Variants in ABCA7 observed in about 807,000 individuals in gnomAD.
The protein encoded by ABCA7 is phospholipid-transporting ATPase ABCA7.
ABCA7 carries 261 observed loss-of-function variants against 227.6 expected under a neutral mutation model. That is an observed-to-expected ratio of 1.15 (90% CI 1.04 to 1.27). The LOEUF (loss-of-function observed/expected upper bound fraction) is 1.27, where lower values mean the gene tolerates loss of function less well. Ranked by LOEUF, ABCA7 falls within the 50% of genes most tolerant of loss-of-function variation. The probability of loss-of-function intolerance (pLI) is 0.00; values close to 1 mark genes in which losing one functional copy is unlikely to be tolerated. For missense variants in ABCA7, 3,331 were observed against 2,924.5 expected (o/e 1.14, Z -3.21); for synonymous variants, 1,488 against 1,279.7 (o/e 1.16, Z -3.47).
chr19:1,051,573 C>T lies in ABCA7; in HGVS notation c.2949C>T (p.Leu983=). The T allele has an allele frequency of 6.2e-7, 1 of 1,612,014 alleles. No homozygotes were observed. The highest frequency in any genetic ancestry group is 8.5e-7 in the Non-Finnish European group (1 of 1,179,526). Residue 983 remains leucine (L), a synonymous_variant, in exon 21 of 47, where the codon CTC becomes CTT. Coordinates refer to ENST00000263094, the MANE Select transcript of ABCA7 (RefSeq NM_019112.4). ...ASRRGIWELL[L]KYREGRTLIL... is the part of the protein sequence containing the mutation. ...GCCGCGGTATTTGGGAGCTGCTGCT[C>T]AAATACCGAGAAGGTAAGAGCTGGG...
rs1202704976 is a variant in ABCA7 at position 1,051,582 on chromosome 19, A to G, written c.2958A>G (p.Arg986=). 6.2e-7 allele frequency: 1 copy of G among 1,611,566 alleles called. No homozygotes were observed. Among genetic ancestry groups the G allele is most frequent in the Admixed American group, 1.7e-5 (1 of 59,932 alleles). The change falls in exon 21 of 47, where the codon CGA becomes CGG. Residue 986 remains arginine, a synonymous_variant. Transcript: ENST00000263094. ...RGIWELLLKY[R]EGRTLILSTH... ...TTTGGGAGCTGCTGCTCAAATACCG[A>G]GAAGGTAAGAGCTGGGGATTCTGCT...
In ABCA7 at chr19:1,054,656, C is replaced by T. The variant is rs1490601072; in HGVS notation, c.3813C>T (p.Leu1271=). The T allele has an allele frequency of 2.5e-5, 41 of 1,613,460 alleles. No individual in the cohort carries two copies. Among genetic ancestry groups the T allele is most frequent in the Non-Finnish European group, 3.2e-5 (38 of 1,179,954 alleles). The part of the protein sequence containing the change: ...PPFGHYPALR[L]SPTMYGAQVS... Reference sequence around the variant, plus strand: ...TCGGGCACTACCCGGCTCTGCGGCTCAGTCCCACCATGTACGGTGCTCAGG... The same window carrying T: ...TCGGGCACTACCCGGCTCTGCGGCTTAGTCCCACCATGTACGGTGCTCAGG... Residue 1271 remains leucine (L), a synonymous_variant, in exon 28 of 47, where the codon CTC becomes CTT. Coordinates refer to ENST00000263094, the MANE Select transcript of ABCA7 (RefSeq NM_019112.4). This position sits in a 1 kb window ranked among gnomAD's most constrained non-coding sequence, Gnocchi z 4.8.
Position 1,051,998 on chromosome 19 carries a change from C to T in ABCA7, c.3019C>T (p.Arg1007Cys), listed in dbSNP as rs373517680. Residue 1007 changes from arginine to cysteine, a missense_variant, in exon 22 of 47, where the codon CGT becomes TGT. Transcript: ENST00000263094. ...HLDEAELLGD[R>C]VAVVAGGRLC... is the part of the protein sequence containing the mutation. ...GGATGAGGCAGAGCTGCTGGGAGACCGTGTGGCCGTGGTGGCAGGTGGCCG... is the reference window on the plus strand; with the variant it reads ...GGATGAGGCAGAGCTGCTGGGAGACTGTGTGGCCGTGGTGGCAGGTGGCCG... 21 of 1,612,128 alleles carry T rather than the reference C, an allele frequency of 1.3e-5. No homozygotes were observed. The highest frequency in any genetic ancestry group is 8.0e-5 in the African/African-American group (6 of 74,916).
intron 1 of ABCA7, 36 bp from the exon 2 acceptor site, chr19:1,041,187 CTT>C: frequency 1.4e-6 from 1 of 697,426 alleles, no homozygotes; most frequent in South Asian, 1.7e-5. Context: ...AGCGGAGCCT[CTT>C]TATCGAGTGA....
Position 1,045,128 on chromosome 19 carries a change from G to GACCCCACAGAGC in ABCA7, c.1347_1358dup (p.Glu451_Thr454dup), listed in dbSNP as rs2040484974. On this transcript the variant is annotated inframe_insertion, in exon 12 of 47. Coordinates refer to ENST00000263094, the MANE Select transcript of ABCA7 (RefSeq NM_019112.4). ...CTTCTTGGGACCTGAGGACTCTTCA[G>GACCCCACAGAGC]ACCCCACAGAGCACCCAACCCCAGA... is the stretch of plus-strand genomic sequence containing the variant. 1 of 1,612,842 alleles carries GACCCCACAGAGC rather than the reference G, an allele frequency of 6.2e-7. No homozygotes were observed. Among genetic ancestry groups the GACCCCACAGAGC allele is most frequent in the South Asian group, 1.1e-5 (1 of 91,086 alleles).
Position 1,057,099 on chromosome 19 carries a change from TGGAC to T in ABCA7, c.4764+18_4764+21del, listed in dbSNP as rs1162070398. ...TCTGGGACATGGTGCGGGGGCTGCT[TGGAC>T]GGGTGGGGGCCCAGCCACTGCTTGC... is the stretch of plus-strand genomic sequence containing the variant. On this transcript the variant is annotated intron_variant, in intron 34 of 46. Coordinates refer to ENST00000263094, the MANE Select transcript of ABCA7 (RefSeq NM_019112.4). The T allele has an allele frequency of 3.1e-6, 5 of 1,605,714 alleles. No homozygotes were observed. The highest frequency in any genetic ancestry group is 1.7e-5 in the Admixed American group (1 of 59,764).
intron 37 of ABCA7, 142 bp from the exon 38 acceptor site, chr19:1,058,476 G>A: frequency 6.9e-7 from 1 of 1,450,522 alleles, no homozygotes; most frequent in Non-Finnish European, 9.2e-7. Flanking sequence ...GGCCTCTTCT[G>A]TTTTCTATGC....
intron 1 of ABCA7, 70 bp downstream of exon 1, chr19:1,040,266 A>C (rs957303242): frequency 1.3e-5 from 2 of 152,206 alleles, no homozygotes; most frequent in African/African-American, 4.8e-5. Context: ...GGAGGGATGC[A>C]AGTTCCCTGG....
intron 14 of ABCA7, 31 bp from the exon 15 acceptor site, chr19:1,047,126 C>T (rs2040770457): frequency 1.3e-6 from 2 of 1,579,958 alleles, no homozygotes; most frequent in East Asian, 2.4e-5. Context: ...AATCCAGGAG[C>T]TGCACCCTAA....
intron 35 of ABCA7, 105 bp from the exon 36 acceptor site, chr19:1,057,810 A>C: frequency 7.2e-7 from 1 of 1,396,810 alleles, no homozygotes. Context: ...GCTTTGGGTG[A>C]AAATGTCAAG....
At position 1,041,431 on chromosome 19, in the gene ABCA7, AC is replaced by A; in HGVS notation, c.66+5del. 1 of 1,613,946 alleles carries A rather than the reference AC, an allele frequency of 6.2e-7. No homozygotes were observed. The highest frequency in any genetic ancestry group is 1.1e-5 in the South Asian group (1 of 91,074). On this transcript the variant is annotated splice_donor_5th_base_variant and intron_variant, in intron 2 of 46. Transcript: ENST00000263094. ...CATGTATCGCCGGAGACAGCCGGTA[AC>A]GCCCCAGTGTGAGACCAGGGCCGGG... is the stretch of plus-strand genomic sequence containing the variant.
intron 44 of ABCA7, 77 bp from the exon 45 acceptor site, chr19:1,064,084 C>G: frequency 6.9e-7 from 1 of 1,448,674 alleles, no homozygotes; most frequent in African/African-American, 1.4e-5. Context: ...GTGGCCCAGG[C>G]CGGGGGAAGC....
rs755979274 is a variant in ABCA7 at position 1,058,151 on chromosome 19, G to A, written c.5031G>A (p.Leu1677=). ...CGTCTCCCACCCTTGAGCAGAAGCT[G>A]CAGGAGGTGAGCCGGATCTTGAAAC... ...FVLELFSDQK[L]QEVSRILKQV... Residue 1677 remains leucine (L), a synonymous_variant, in exon 37 of 47, where the codon CTG becomes CTA. Transcript: ENST00000263094. The A allele has an allele frequency of 4.3e-6, 7 of 1,613,944 alleles. No individual in the cohort carries two copies. The South Asian group carries it at 7.7e-5, about 18-fold the overall frequency.
chr19:1,051,200 T>A lies in ABCA7; in HGVS notation c.2730T>A (p.Gly910=), dbSNP rs775250030. ...EHVWFYGRLK[G]LSAAVVGPEQ... The stretch of plus-strand genomic sequence containing the variant: ...TCTGGTTCTATGGGCGGCTGAAGGG[T>A]CTGAGTGCCGCTGTAGTGGGCCCCG... Residue 910 remains glycine (G), a synonymous_variant, in exon 20 of 47, where the codon GGT becomes GGA. Transcript: ENST00000263094. 2.5e-6 allele frequency: 4 copies of A among 1,611,050 alleles called. No individual in the cohort carries two copies. The South Asian group carries it at 3.3e-5, about 13-fold the overall frequency.
At chr19:1,050,684 G>A (rs2144804997) in intron 18 of ABCA7, among the ~76,000 whole-genome samples, 1 of 150,560 alleles carries the variant, frequency 6.6e-6, no homozygotes, top group East Asian at 2.0e-4. Flanking sequence ...GGAGGCTGAG[G>A]CAGGAGAATG....
chr19:1,043,703 G>T lies in ABCA7; in HGVS notation c.931-22G>T, dbSNP rs763488450. On this transcript the variant is annotated intron_variant, in intron 9 of 46. Coordinates refer to ENST00000263094, the MANE Select transcript of ABCA7 (RefSeq NM_019112.4). ...TCCTCAGAGGAGGAGAGGGTCATCA[G>T]TGGAGGGGGTGCTGTCCACAGGTGA... is the stretch of plus-strand genomic sequence containing the variant. The T allele has an allele frequency of 2.5e-6, 4 of 1,609,410 alleles. No homozygotes were observed. In the African/African-American group the frequency reaches 5.3e-5, roughly 21 times the overall value.
intron 40 of ABCA7, among the ~76,000 whole-genome samples, chr19:1,060,207 A>ATATATATATATTTT: frequency 1.1e-4 from 11 of 96,770 alleles, no homozygotes; most frequent in African/African-American, 3.5e-4. Flanking sequence ...ATATATATAT[A>ATATATATATATTTT]TTTTTTTTTC....
At position 1,056,089 on chromosome 19, in the gene ABCA7, G is replaced by A. The variant is rs140313804; in HGVS notation, c.4262G>A (p.Gly1421Asp). ...AGATACGGAGGCTTCTCGCTGGGGG[G>A]CCGAGACCCAGGCCTGCCCTCGGGC... ...EVRYGGFSLGGRDPGLPSGQE... is the reference protein window; with the variant it reads ...EVRYGGFSLGDRDPGLPSGQE... The change falls in exon 32 of 47, where the codon GGC becomes GAC. Residue 1421 changes from glycine (G) to aspartate (D), a missense_variant. By Grantham distance (94) the Gly-to-Asp change is moderately conservative. Transcript: ENST00000263094. The surrounding 1 kb of genome is among the most constrained non-coding windows in gnomAD (Gnocchi z 4.3). 3.8e-6 allele frequency: 6 copies of A among 1,598,612 alleles called. No individual in the cohort carries two copies. The highest frequency in any genetic ancestry group is 3.4e-5 in the Admixed American group (2 of 58,838).
chr19:1,062,665 C>G lies in ABCA7; in HGVS notation c.5712+352C>G, dbSNP rs374514340. On this transcript the variant is annotated intron_variant, in intron 42 of 46. Transcript: ENST00000263094. Reference sequence around the variant, plus strand: ...CTTCGCGCCTTTCTCGCTGGGGTCACGGTCACATTCTCACTCTGGCCGTTC... The same window carrying G: ...CTTCGCGCCTTTCTCGCTGGGGTCAGGGTCACATTCTCACTCTGGCCGTTC... Among the ~76,000 whole-genome samples, 18 of 152,060 alleles carry G rather than the reference C, an allele frequency of 1.2e-4. No individual in the cohort carries two copies. The Middle Eastern group carries it at 0.01, about 86-fold the overall frequency.
Sources: gnomAD v4.1 joint callset for allele counts (sites outside exome capture counted in the v4.1 genomes callset) on GRCh38, gnomAD v4.1.1 for gene constraint, Gnocchi (gnomAD v3.1) non-coding constraint, MANE v1.5 for transcripts, NCBI Gene and HGNC (gene_info 2026-07-23, HGNC 2026-07-21) for gene names.